Variants in DUSP28 observed in about 807,000 individuals in gnomAD.
DUSP28 encodes the protein dual specificity phosphatase 28.
A neutral mutation model predicts 8.4 loss-of-function variants in DUSP28; 11 were observed. That is an observed-to-expected ratio of 1.31 (90% CI 0.83 to 2.17). The LOEUF (loss-of-function observed/expected upper bound fraction) is 2.17. DUSP28 is among the 30% of genes most tolerant of loss of function. DUSP28 has a pLI of 0.00. For missense variants in DUSP28, 373 were observed against 270.4 expected (o/e 1.38, Z -2.66); for synonymous variants, 178 against 130.9 (o/e 1.36, Z -2.46).
intron 1 of DUSP28, 77 bp from the exon 2 acceptor site, chr2:240,561,253 C>CT (rs1332454033): frequency 3.7e-6 from 6 of 1,605,990 alleles, no homozygotes; most frequent in Middle Eastern, 2.1e-4. Context: ...GGGGCCCACT[C>CT]TTACAGCTGG....
chr2:240,561,737 G>A lies in DUSP28; in HGVS notation c.*270G>A. On this transcript the variant is annotated 3_prime_UTR_variant, in exon 2 of 2. Coordinates refer to ENST00000405954, the MANE Select transcript of DUSP28 (RefSeq NM_001370465.2). ...TTACACTCCAGAATCTTGAGTGTTT[G>A]GGGGTGCCGGCGCATTCTACCAGTC... is the stretch of plus-strand genomic sequence containing the variant. 1 of 424,502 alleles carries A rather than the reference G, an allele frequency of 2.4e-6. No homozygotes were observed. Among genetic ancestry groups the A allele is most frequent in the South Asian group, 3.1e-5 (1 of 32,388 alleles). 26.3% of individuals were successfully genotyped at this position (424,502 alleles called of 1,614,324 possible). A position where few individuals can be genotyped will look rare whatever the true frequency, so the allele number is the denominator to read the frequency against.
Position 240,561,281 on chromosome 2 carries a change from C to T in DUSP28, c.394-49C>T, listed in dbSNP as rs201447869. The T allele has an allele frequency of 2.5e-6, 4 of 1,612,242 alleles. No individual in the cohort carries two copies. In the Admixed American group the frequency reaches 6.7e-5, roughly 27 times the overall value. On this transcript the variant is annotated intron_variant, in intron 1 of 1. Transcript: ENST00000405954. ...ACAGCTGGGCCCGCCTTGGCCCCTG[C>T]TGGCCATTAGCGCGACTTGGGGTTA... is the stretch of plus-strand genomic sequence containing the variant.
rs938777587 is a variant in DUSP28 at position 240,563,162 on chromosome 2, T to C, written c.*1695T>C. On this transcript the variant is annotated 3_prime_UTR_variant, in exon 2 of 2. Coordinates refer to ENST00000405954, the MANE Select transcript of DUSP28 (RefSeq NM_001370465.2). ...TGACAGAATTCTGCAGGAATTTGGT[T>C]TCAAAGCCAGTGTAAACAACTATGC... 2 of 152,264 alleles carry C rather than the reference T, an allele frequency of 1.3e-5. No homozygotes were observed. The highest frequency in any genetic ancestry group is 4.8e-5 in the African/African-American group (2 of 41,448). The allele number at this position is 152,264 out of a possible 1,614,324, so 9.4% of individuals were successfully genotyped here.
In DUSP28 at chr2:240,562,858, C is replaced by T. The variant is rs1236011034; in HGVS notation, c.*1391C>T. 1.3e-5 allele frequency: 2 copies of T among 153,862 alleles called. No homozygotes were observed. Among genetic ancestry groups the T allele is most frequent in the Non-Finnish European group, 2.9e-5 (2 of 68,050 alleles). The allele number at this position is 153,862 out of a possible 1,614,324, so 9.5% of individuals were successfully genotyped here. On this transcript the variant is annotated 3_prime_UTR_variant, in exon 2 of 2. Transcript: ENST00000405954. ...ACACTATTTACTTTATAATGCACATCTTGATCCCAGTTTATAAACTGGGCC... is the reference window on the plus strand; with the variant it reads ...ACACTATTTACTTTATAATGCACATTTTGATCCCAGTTTATAAACTGGGCC...
rs923531298 is a variant in DUSP28, at chr2:240,562,555, A to G, written c.*1088A>G. 1.3e-5 allele frequency: 2 copies of G among 152,194 alleles called. No individual in the cohort carries two copies. The highest frequency in any genetic ancestry group is 2.4e-5 in the African/African-American group (1 of 41,448). 9.4% of individuals were successfully genotyped at this position (152,194 alleles called of 1,614,324 possible). ...ATCCGGGGAGGAAGCCTGGTAGATT[A>G]TAATATTTCCAGGGATAACAGTGTG... On this transcript the variant is annotated 3_prime_UTR_variant, in exon 2 of 2. Coordinates refer to ENST00000405954, the MANE Select transcript of DUSP28 (RefSeq NM_001370465.2).
At position 240,560,831 on chromosome 2, in the gene DUSP28, C is replaced by T; in HGVS notation, c.147C>T (p.Val49=). 1 of 1,414,884 alleles carries T rather than the reference C, an allele frequency of 7.1e-7. No individual in the cohort carries two copies. Among genetic ancestry groups the T allele is most frequent in the Non-Finnish European group, 9.1e-7 (1 of 1,093,224 alleles). The allele number at this position is 1,414,884 out of a possible 1,614,324, so 87.6% of individuals were successfully genotyped here. A position where few individuals can be genotyped will look rare whatever the true frequency, so the allele number is the denominator to read the frequency against. The change falls in exon 1 of 2, where the codon GTC becomes GTT. Residue 49 remains valine (V), a synonymous_variant. Coordinates refer to ENST00000405954, the MANE Select transcript of DUSP28 (RefSeq NM_001370465.2). ...QLARAGVTLC[V]NVSRQQPGPR... Reference sequence around the variant, plus strand: ...CGCGCGCGGGAGTCACGCTGTGCGTCAACGTCTCCCGCCAGCAGCCCGGCC... The same window carrying T: ...CGCGCGCGGGAGTCACGCTGTGCGTTAACGTCTCCCGCCAGCAGCCCGGCC...
chr2:240,563,872 T>C lies in DUSP28; in HGVS notation c.*2405T>C, dbSNP rs2092994334. The stretch of plus-strand genomic sequence containing the variant: ...AACAGTTTTGTGTTCCTTAACTATT[T>C]TGTCTGCCATGTCATTTATGATGTA... On this transcript the variant is annotated 3_prime_UTR_variant, in exon 2 of 2. Transcript: ENST00000405954. 6.6e-6 allele frequency: 1 copy of C among 152,374 alleles called. No individual in the cohort carries two copies. Among genetic ancestry groups the C allele is most frequent in the African/African-American group, 2.4e-5 (1 of 41,466 alleles). 9.4% of individuals were successfully genotyped at this position (152,374 alleles called of 1,614,324 possible).
At chr2:240,561,214 G>A (rs1392022730) in intron 1 of DUSP28, 116 bp from the exon 2 acceptor site, 2 of 1,568,498 alleles carry the variant, frequency 1.3e-6, no homozygotes, top group African/African-American at 1.4e-5. Context: ...GCGGGCTTAG[G>A]GAAGCAGAGA....
At position 240,560,990 on chromosome 2, in the gene DUSP28, C is replaced by G; in HGVS notation, c.306C>G (p.Tyr102Ter). Residue 102 changes from tyrosine (Y) to a stop codon, truncating the protein, a stop_gained, in exon 1 of 2, where the codon TAC (tyrosine) becomes TAG (stop). Coordinates refer to ENST00000405954, the MANE Select transcript of DUSP28 (RefSeq NM_001370465.2). LOFTEE classifies it high-confidence loss of function. ...AVRAGGACLV[Y>*]CKNGRSRSAA... Reference sequence around the variant, plus strand: ...GCGCCGGCGGCGCCTGCCTAGTCTACTGCAAGAACGGCCGCAGCCGCTCGG... The same window carrying G: ...GCGCCGGCGGCGCCTGCCTAGTCTAGTGCAAGAACGGCCGCAGCCGCTCGG... The G allele has an allele frequency of 6.5e-7, 1 of 1,546,022 alleles. No individual in the cohort carries two copies. Among genetic ancestry groups the G allele is most frequent in the Non-Finnish European group, 8.6e-7 (1 of 1,158,394 alleles).
rs754396712 is a variant in DUSP28, at chr2:240,561,000, G to A, written c.316G>A (p.Gly106Ser). 1.3e-6 allele frequency: 2 copies of A among 1,539,260 alleles called. No homozygotes were observed. Among genetic ancestry groups the A allele is most frequent in the East Asian group, 2.4e-5 (1 of 40,902 alleles). Residue 106 changes from glycine (G) to serine (S), a missense_variant, in exon 1 of 2, where the codon GGC becomes AGC. Physicochemically the swap from Gly to Ser is moderately conservative, Grantham distance 56. Transcript: ENST00000405954. ...GGACLVYCKN[G>S]RSRSAAVCTA... Reference sequence around the variant, plus strand: ...CGCCTGCCTAGTCTACTGCAAGAACGGCCGCAGCCGCTCGGCCGCCGTCTG... The same window carrying A: ...CGCCTGCCTAGTCTACTGCAAGAACAGCCGCAGCCGCTCGGCCGCCGTCTG...
In DUSP28 at chr2:240,561,359, A is replaced by G. The variant is rs1263761788; in HGVS notation, c.423A>G (p.Glu141=). The G allele has an allele frequency of 6.2e-7, 1 of 1,613,852 alleles. No individual in the cohort carries two copies. The highest frequency in any genetic ancestry group is 8.5e-7 in the Non-Finnish European group (1 of 1,180,016). ...TGAAGAGCGCTCGCCCGGTAGCAGA[A>G]CCGAACCCGGGCTTCTGGTCTCAGC... The part of the protein sequence containing the change: ...QMVKSARPVA[E]PNPGFWSQLQ... Residue 141 remains glutamate (E), a synonymous_variant, in exon 2 of 2, where the codon GAA becomes GAG. Transcript: ENST00000405954.
chr2:240,561,609 C>T lies in DUSP28; in HGVS notation c.*142C>T, dbSNP rs1229240920. ...CATAGTGCTTTTAATTTTATATTTC[C>T]GGCTGAGGTGATGCACAAATTATCT... On this transcript the variant is annotated 3_prime_UTR_variant, in exon 2 of 2. Coordinates refer to ENST00000405954, the MANE Select transcript of DUSP28 (RefSeq NM_001370465.2). The T allele has an allele frequency of 9.1e-6, 10 of 1,104,564 alleles. No homozygotes were observed. Among genetic ancestry groups the T allele is most frequent in the Non-Finnish European group, 1.2e-5 (10 of 826,416 alleles). The allele number at this position is 1,104,564 out of a possible 1,614,324, so 68.4% of individuals were successfully genotyped here.
Position 240,560,653 on chromosome 2 carries a change from A to G in DUSP28, c.-32A>G. On this transcript the variant is annotated 5_prime_UTR_variant, in exon 1 of 2. Coordinates refer to ENST00000405954, the MANE Select transcript of DUSP28 (RefSeq NM_001370465.2). ...GCCTGAGCCCCCAAAATAGATCCTC[A>G]GGGCCCAAAAGCAGACTCTTCGGCG... 6.8e-7 allele frequency: 1 copy of G among 1,474,734 alleles called. No homozygotes were observed. Among genetic ancestry groups the G allele is most frequent in the Non-Finnish European group, 8.9e-7 (1 of 1,124,746 alleles). 91.4% of individuals were successfully genotyped at this position (1,474,734 alleles called of 1,614,324 possible). A position where few individuals can be genotyped will look rare whatever the true frequency, so the allele number is the denominator to read the frequency against.
At position 240,561,653 on chromosome 2, in the gene DUSP28, T is replaced by A. The variant is rs1047188208; in HGVS notation, c.*186T>A. 1 of 830,560 alleles carries A rather than the reference T, an allele frequency of 1.2e-6. No individual in the cohort carries two copies. Among genetic ancestry groups the A allele is most frequent in the Non-Finnish European group, 1.8e-6 (1 of 568,202 alleles). The allele number at this position is 830,560 out of a possible 1,614,324, so 51.4% of individuals were successfully genotyped here. A position where few individuals can be genotyped will look rare whatever the true frequency, so the allele number is the denominator to read the frequency against. On this transcript the variant is annotated 3_prime_UTR_variant, in exon 2 of 2. Coordinates refer to ENST00000405954, the MANE Select transcript of DUSP28 (RefSeq NM_001370465.2). ...ATTATCTTACAGACACAAAAAGAAA[T>A]ACATTTGGTAAAACATCGAAGACAA...
In DUSP28 at chr2:240,561,719, C is replaced by A; in HGVS notation, c.*252C>A. 1 of 496,206 alleles carries A rather than the reference C, an allele frequency of 2.0e-6. No individual in the cohort carries two copies. The highest frequency in any genetic ancestry group is 3.4e-6 in the Non-Finnish European group (1 of 292,342). The allele number at this position is 496,206 out of a possible 1,614,324, so 30.7% of individuals were successfully genotyped here. A position where few individuals can be genotyped will look rare whatever the true frequency, so the allele number is the denominator to read the frequency against. On this transcript the variant is annotated 3_prime_UTR_variant, in exon 2 of 2. Transcript: ENST00000405954. ...ATAGGGATCCTCCATTATTTACACTCCAGAATCTTGAGTGTTTGGGGGTGC... is the reference window on the plus strand; with the variant it reads ...ATAGGGATCCTCCATTATTTACACTACAGAATCTTGAGTGTTTGGGGGTGC...
In DUSP28 at chr2:240,560,742, G is replaced by C. The variant is rs768658301; in HGVS notation, c.58G>C (p.Val20Leu). Residue 20 changes from valine (V) to leucine (L), a missense_variant, in exon 1 of 2, where the codon GTG (valine) becomes CTG (leucine). Val to Leu is a conservative substitution (Grantham distance 32, BLOSUM62 1). Coordinates refer to ENST00000405954, the MANE Select transcript of DUSP28 (RefSeq NM_001370465.2). Reference sequence around the variant, plus strand: ...CGCCTCGCCCGTACCTCCACCGTTGGTGCGCGTCGCGCCCTCACTCTTCCT... The same window carrying C: ...CGCCTCGCCCGTACCTCCACCGTTGCTGCGCGTCGCGCCCTCACTCTTCCT... ...GAASPVPPPL[V>L]RVAPSLFLGS... is the part of the protein sequence containing the mutation. 2.0e-6 allele frequency: 3 copies of C among 1,514,166 alleles called. No individual in the cohort carries two copies. Among genetic ancestry groups the C allele is most frequent in the Non-Finnish European group, 1.7e-6 (2 of 1,143,278 alleles). 93.8% of individuals were successfully genotyped at this position (1,514,166 alleles called of 1,614,324 possible).
chr2:240,561,370 G>A lies in DUSP28; in HGVS notation c.434G>A (p.Gly145Asp). The change falls in exon 2 of 2, where the codon GGC becomes GAC. Residue 145 changes from glycine to aspartate, a missense_variant. Physicochemically the swap from Gly to Asp is moderately conservative, Grantham distance 94. Coordinates refer to ENST00000405954, the MANE Select transcript of DUSP28 (RefSeq NM_001370465.2). ...SARPVAEPNP[G>D]FWSQLQKYEE... is the part of the protein sequence containing the mutation. Reference sequence around the variant, plus strand: ...CGCCCGGTAGCAGAACCGAACCCGGGCTTCTGGTCTCAGCTCCAGAAGTAT... The same window carrying A: ...CGCCCGGTAGCAGAACCGAACCCGGACTTCTGGTCTCAGCTCCAGAAGTAT... The A allele has an allele frequency of 6.2e-7, 1 of 1,613,868 alleles. No individual in the cohort carries two copies. The highest frequency in any genetic ancestry group is 8.5e-7 in the Non-Finnish European group (1 of 1,180,036).
In DUSP28 at chr2:240,560,798, G is replaced by A. The variant is rs1199154146; in HGVS notation, c.114G>A (p.Glu38=). The change falls in exon 1 of 2, where the codon GAG becomes GAA. Residue 38 remains glutamate, a synonymous_variant. Transcript: ENST00000405954. ...LGSARAAGAE[E]QLARAGVTLC... Reference sequence around the variant, plus strand: ...GCGCGCGAGCCGCGGGCGCGGAGGAGCAGCTGGCGCGCGCGGGAGTCACGC... The same window carrying A: ...GCGCGCGAGCCGCGGGCGCGGAGGAACAGCTGGCGCGCGCGGGAGTCACGC... The A allele has an allele frequency of 1.4e-6, 2 of 1,446,108 alleles. No individual in the cohort carries two copies. Among genetic ancestry groups the A allele is most frequent in the Non-Finnish European group, 1.8e-6 (2 of 1,107,446 alleles). 89.6% of individuals were successfully genotyped at this position (1,446,108 alleles called of 1,614,324 possible).
In DUSP28 at chr2:240,561,464, T is replaced by C; in HGVS notation, c.528T>C (p.Ala176=). ...EPPALGLGPE[A] is the part of the protein sequence containing the mutation. Reference sequence around the variant, plus strand: ...CAGCCTTAGGGTTGGGCCCTGAGGCTTGAAGCTTGAAGGCCTGCTGCCTGG... The same window carrying C: ...CAGCCTTAGGGTTGGGCCCTGAGGCCTGAAGCTTGAAGGCCTGCTGCCTGG... The change falls in exon 2 of 2, where the codon GCT becomes GCC. Residue 176 remains alanine, a synonymous_variant. Coordinates refer to ENST00000405954, the MANE Select transcript of DUSP28 (RefSeq NM_001370465.2). The C allele has an allele frequency of 6.2e-7, 1 of 1,612,510 alleles. No individual in the cohort carries two copies. The highest frequency in any genetic ancestry group is 1.1e-5 in the South Asian group (1 of 91,066).
Sources: allele counts gnomAD v4.1 joint callset, GRCh38; gene constraint gnomAD v4.1.1; transcripts MANE v1.5; gene names NCBI Gene and HGNC (gene_info 2026-07-23, HGNC 2026-07-21).